Variants in NXPH1 observed in about 807,000 individuals in gnomAD.
NXPH1 encodes neurexophilin 1.
Under a neutral mutation model 23.7 loss-of-function variants are expected in NXPH1, and 5 were observed. The ratio of observed to expected loss-of-function variants is 0.21; its 90% CI spans 0.11 to 0.44. NXPH1 has a LOEUF of 0.44. Ranked by LOEUF, NXPH1 falls within the 20% of genes least tolerant of loss-of-function variation. The pLI is 0.99. For missense variants in NXPH1, 324 were observed against 321.6 expected, an observed-to-expected ratio of 1.01 and a Z score of -0.06; for synonymous variants, 144 against 122.2, an observed-to-expected ratio of 1.18 and a Z score of -1.18.
chr7:8,694,243 G>A (rs1036940463), intron 2 of NXPH1, among the ~76,000 whole-genome samples: 17 of 152,314 alleles, frequency 1.1e-4, no homozygotes, highest in Admixed American at 1.0e-3. Flanking sequence ...CCTAAGTGCA[G>A]GTGCGTGGTG....
At chr7:8,459,488 G>A (rs1816655400) in intron 2 of NXPH1, among the ~76,000 whole-genome samples, 1 of 152,146 alleles carries the variant, frequency 6.6e-6, no homozygotes, top group South Asian at 2.1e-4. Flanking sequence ...GAGTGCCAGA[G>A]TTTAAAAATG....
intron 2 of NXPH1, among the ~76,000 whole-genome samples, chr7:8,624,838 G>A (rs1477912518): frequency 1.3e-5 from 2 of 152,170 alleles, no homozygotes; most frequent in Non-Finnish European, 2.9e-5. Flanking sequence ...AAGTGGGGAA[G>A]CTGAGTAGTA....
chr7:8,730,713 G>A (rs994022596), intron 2 of NXPH1, among the ~76,000 whole-genome samples: 1 of 152,126 alleles, frequency 6.6e-6, no homozygotes, highest in African/African-American at 2.4e-5. Context: ...GAGATCCGCT[G>A]TTAGTCTGAT....
chr7:8,433,690 G>C lies in NXPH1; in HGVS notation c.-1176G>C, dbSNP rs961804445. 6.6e-6 allele frequency among the ~76,000 whole-genome samples: 1 copy of C among 152,066 alleles called. No homozygotes were observed. The highest frequency in any genetic ancestry group is 2.4e-5 in the African/African-American group (1 of 41,408). On this transcript the variant is annotated 5_prime_UTR_variant, in exon 1 of 3. Transcript: ENST00000405863. This position sits in a 1 kb window ranked among gnomAD's most constrained non-coding sequence, Gnocchi z 6.8. Reference sequence around the variant, plus strand: ...GGCCCGGCAGCCACAGGTCGGAGGCGCCCGGCGTCGGCGCTCGAGGCCGGC... The same window carrying C: ...GGCCCGGCAGCCACAGGTCGGAGGCCCCCGGCGTCGGCGCTCGAGGCCGGC...
intron 2 of NXPH1, among the ~76,000 whole-genome samples, chr7:8,551,237 T>A (rs922917898): frequency 6.6e-6 from 1 of 151,558 alleles, no homozygotes; most frequent in African/African-American, 2.4e-5. Flanking sequence ...CTGTGTTTCC[T>A]CTTTTACAAA....
At chr7:8,535,206 A>ATCTT (rs1372368473) in intron 2 of NXPH1, among the ~76,000 whole-genome samples, 1 of 152,070 alleles carries the variant, frequency 6.6e-6, no homozygotes, top group African/African-American at 2.4e-5. Context: ...TAGTAGTCCT[A>ATCTT]TCTTTGACTC....
intron 2 of NXPH1, among the ~76,000 whole-genome samples, chr7:8,722,427 A>G (rs1297983021): frequency 6.6e-6 from 1 of 152,164 alleles, no homozygotes; most frequent in African/African-American, 2.4e-5. Flanking sequence ...CTCTCATTTC[A>G]ATTCTCTCCT....
At chr7:8,606,633 TACAGGA>T (rs1819499078) in intron 2 of NXPH1, among the ~76,000 whole-genome samples, 1 of 76,126 alleles carries the variant, frequency 1.3e-5, no homozygotes, top group African/African-American at 7.6e-5. Context: ...TGGGCAAAGA[TACAGGA>T]CTGCTGCCCT....
In NXPH1 at chr7:8,435,292, C is replaced by G. The variant is rs889729803; in HGVS notation, c.-110-312C>G. On this transcript the variant is annotated intron_variant, in intron 1 of 2. Coordinates refer to ENST00000405863, the MANE Select transcript of NXPH1 (RefSeq NM_152745.3). This position sits in a 1 kb window ranked among gnomAD's most constrained non-coding sequence, Gnocchi z 5.9. Reference sequence around the variant, plus strand: ...CCAACACAAGGGCAGGTCTCGCTGCCGGAGAAGCCTGGGCTCCGAACCAGC... The same window carrying G: ...CCAACACAAGGGCAGGTCTCGCTGCGGGAGAAGCCTGGGCTCCGAACCAGC... The G allele has an allele frequency of 1.2e-5, 3 of 258,324 alleles. No homozygotes were observed. The highest frequency in any genetic ancestry group is 6.9e-5 in the African/African-American group (3 of 43,582). The allele number at this position is 258,324 out of a possible 1,614,324, so 16.0% of individuals were successfully genotyped here.
chr7:8,441,035 T>C lies in NXPH1; in HGVS notation c.54+5268T>C, dbSNP rs184666044. On this transcript the variant is annotated intron_variant, in intron 2 of 2. Coordinates refer to ENST00000405863, the MANE Select transcript of NXPH1 (RefSeq NM_152745.3). ...GAAGTTAGGAAGTGTGCGTTCTTTC[T>C]GATTTTTTTAAAAATAAAAAGTGTC... is the stretch of plus-strand genomic sequence containing the variant. 1.5e-3 allele frequency among the ~76,000 whole-genome samples: 230 copies of C among 152,358 alleles called. 2 individuals carry two copies. Among genetic ancestry groups the C allele is most frequent in the African/African-American group, 5.3e-3 (219 of 41,584 alleles).
intron 2 of NXPH1, among the ~76,000 whole-genome samples, chr7:8,553,116 G>A (rs1307709843): frequency 6.6e-6 from 1 of 151,502 alleles, no homozygotes; most frequent in Non-Finnish European, 1.5e-5. Context: ...TTTTAGTGAA[G>A]CTGTCTTTGG....
intron 2 of NXPH1, among the ~76,000 whole-genome samples, chr7:8,460,299 G>A (rs1816671459): frequency 6.6e-6 from 1 of 151,876 alleles, no homozygotes; most frequent in Admixed American, 6.6e-5. Context: ...CTCCCTAATG[G>A]CCTTAGACTT....
At chr7:8,451,320 T>C (rs1368045266) in intron 2 of NXPH1, among the ~76,000 whole-genome samples, 1 of 152,200 alleles carries the variant, frequency 6.6e-6, no homozygotes, top group Non-Finnish European at 1.5e-5. Context: ...TTGTATTTAA[T>C]TGTCATGATT....
chr7:8,573,917 C>T (rs1818701446), intron 2 of NXPH1, among the ~76,000 whole-genome samples: 1 of 152,006 alleles, frequency 6.6e-6, no homozygotes. Flanking sequence ...ACATAAAGCT[C>T]CTGGAAGGTA....
intron 2 of NXPH1, among the ~76,000 whole-genome samples, chr7:8,645,411 A>G (rs1035927153): frequency 2.0e-5 from 3 of 152,050 alleles, no homozygotes; most frequent in Non-Finnish European, 4.4e-5. Flanking sequence ...GTTGATTCCT[A>G]TGATCCTGAA....
At chr7:8,704,269 C>T (rs942804525) in intron 2 of NXPH1, among the ~76,000 whole-genome samples, 2 of 152,054 alleles carry the variant, frequency 1.3e-5, no homozygotes, top group Non-Finnish European at 2.9e-5. Context: ...CCTAGAACTT[C>T]TGTGGCATAC....
In NXPH1 at chr7:8,489,254, AG is replaced by A. The variant is rs1817209476; in HGVS notation, c.54+53492del. On this transcript the variant is annotated intron_variant, in intron 2 of 2. Coordinates refer to ENST00000405863, the MANE Select transcript of NXPH1 (RefSeq NM_152745.3). ...GTGTTCTATACAGAACTCTCTGGAA[AG>A]GGGGTGGCCTTCTCATATCGAAAAG... is the stretch of plus-strand genomic sequence containing the variant. Among the ~76,000 whole-genome samples the A allele has an allele frequency of 5.3e-5, 8 of 152,184 alleles. No individual in the cohort carries two copies. The South Asian group carries it at 1.7e-3, about 32-fold the overall frequency.
chr7:8,443,163 T>C (rs896857191), intron 2 of NXPH1, among the ~76,000 whole-genome samples: 5 of 152,232 alleles, frequency 3.3e-5, no homozygotes, highest in African/African-American at 1.2e-4. Flanking sequence ...GGGGGGCAGC[T>C]AGCTCCCGTC....
Position 8,573,017 on chromosome 7 carries a change from A to G in NXPH1, c.54+137250A>G, listed in dbSNP as rs186480152. On this transcript the variant is annotated intron_variant, in intron 2 of 2. Transcript: ENST00000405863. ...GAGTTTAAAAAAGCAGCAGAAAACA[A>G]TTACCCTGAATCTCAAGACCTAGAA... Among the ~76,000 whole-genome samples, 48 of 151,972 alleles carry G rather than the reference A, an allele frequency of 3.2e-4. 1 individual carries two copies. The East Asian group carries it at 8.9e-3, about 28-fold the overall frequency.
Sources: allele counts gnomAD v4.1 joint callset (sites outside exome capture counted in the v4.1 genomes callset), GRCh38; gene constraint gnomAD v4.1.1; non-coding constraint Gnocchi (gnomAD v3.1); transcripts MANE v1.5; gene names NCBI Gene and HGNC (gene_info 2026-07-23, HGNC 2026-07-21).